The following C5orf52 variants were observed in gnomAD, a reference collection of about 807,000 sequenced individuals.
C5orf52 encodes uncharacterized protein C5orf52.
Under a neutral mutation model 16.8 loss-of-function variants are expected in C5orf52, and 15 were observed. That is an observed-to-expected ratio of 0.89 (90% CI 0.60 to 1.38). The LOEUF is 1.38. Ranked by LOEUF, C5orf52 falls within the 40% of genes most tolerant of loss-of-function variation. C5orf52 has a pLI of 0.00. For missense variants in C5orf52, 206 were observed against 213.1 expected, an observed-to-expected ratio of 0.97 and a Z score of 0.21; for synonymous variants, 83 against 87.2, an observed-to-expected ratio of 0.95 and a Z score of 0.27.
chr5:157,679,440 A>G (rs1759967095), intron 2 of C5orf52, among the ~76,000 whole-genome samples: 1 of 152,056 alleles, frequency 6.6e-6, no homozygotes, highest in Non-Finnish European at 1.5e-5. Context: ...GGGTTCAAGC[A>G]ACTCTTCTGC....
chr5:157,679,778 G>T, intron 2 of C5orf52, 63 bp from the exon 3 acceptor site: 1 of 1,469,824 alleles, frequency 6.8e-7, no homozygotes, highest in Non-Finnish European at 9.1e-7. Context: ...GCCCTGCTGC[G>T]AAGTAATCCT....
chr5:157,680,076 GTGACCCGAGGAGAACTAGTAAC>G lies in C5orf52; in HGVS notation c.*79_*100del. 7.4e-7 allele frequency: 1 copy of G among 1,360,212 alleles called. No homozygotes were observed. Among genetic ancestry groups the G allele is most frequent in the Non-Finnish European group, 9.9e-7 (1 of 1,005,410 alleles). The allele number at this position is 1,360,212 out of a possible 1,614,324, so 84.3% of individuals were successfully genotyped here. A position where few individuals can be genotyped will look rare whatever the true frequency, so the allele number is the denominator to read the frequency against. On this transcript the variant is annotated 3_prime_UTR_variant, in exon 3 of 3. Transcript: ENST00000409999. ...GCCCCAGGGTCACGATGACACCAGT[GTGACCCGAGGAGAACTAGTAAC>G]TACAACCTACACAACTGTAGAACAA...
chr5:157,672,980 T>C (rs1362789305), intron 1 of C5orf52, among the ~76,000 whole-genome samples: 2 of 151,666 alleles, frequency 1.3e-5, no homozygotes, highest in Admixed American at 6.6e-5. Flanking sequence ...ATTCTAGTCC[T>C]TCAAAATGTT....
At chr5:157,672,050 CCATCTCCACTGACATTTTCTCAGAATGA>C (rs546595432) in intron 1 of C5orf52, among the ~76,000 whole-genome samples, 1,786 of 152,276 alleles carry the variant, frequency 0.012, 19 homozygotes, top group South Asian at 0.049. Flanking sequence ...CCTGGAATCC[CCATCTCCACTGACATTTTCTCAGAATGA>C]CATCTCCACT....
intron 1 of C5orf52, among the ~76,000 whole-genome samples, chr5:157,673,852 C>T (rs1433218482): frequency 6.6e-6 from 1 of 152,078 alleles, no homozygotes; most frequent in African/African-American, 2.4e-5. Flanking sequence ...ACCATCTTTG[C>T]CAGGCTGTTC....
chr5:157,671,860 C>T, intron 1 of C5orf52, 34 bp downstream of exon 1: 1 of 1,393,888 alleles, frequency 7.2e-7, no homozygotes, highest in Non-Finnish European at 9.6e-7. Context: ...TTCGTCAGAC[C>T]CTCGGACCCG....
intron 2 of C5orf52, among the ~76,000 whole-genome samples, chr5:157,675,699 A>T (rs900387302): frequency 6.6e-6 from 1 of 151,932 alleles, no homozygotes; most frequent in African/African-American, 2.4e-5. Flanking sequence ...ACAGAGCAAG[A>T]CTCCATCTCA....
At chr5:157,676,712 G>A (rs1335607762) in intron 2 of C5orf52, among the ~76,000 whole-genome samples, 3 of 152,120 alleles carry the variant, frequency 2.0e-5, no homozygotes, top group African/African-American at 7.2e-5. Flanking sequence ...GAACTAGTTC[G>A]AGCAAGATAG....
At chr5:157,672,756 T>TG (rs904154184) in intron 1 of C5orf52, among the ~76,000 whole-genome samples, 5 of 152,006 alleles carry the variant, frequency 3.3e-5, no homozygotes, top group African/African-American at 1.2e-4. Flanking sequence ...GAAAATGAAT[T>TG]GCAATTCTCC....
chr5:157,671,913 G>T, intron 1 of C5orf52, 87 bp downstream of exon 1: 1 of 927,014 alleles, frequency 1.1e-6, no homozygotes, highest in South Asian at 1.8e-5. Flanking sequence ...CCCCTTAGCC[G>T]GACCCCGGCC....
chr5:157,678,377 C>T (rs564871476), intron 2 of C5orf52, among the ~76,000 whole-genome samples: 219 of 152,296 alleles, frequency 1.4e-3, no homozygotes, highest in Non-Finnish European at 1.7e-3. Flanking sequence ...GATCACCACC[C>T]ACCACATTGT....
intron 1 of C5orf52, among the ~76,000 whole-genome samples, chr5:157,674,083 G>A (rs1024683702): frequency 6.6e-6 from 1 of 151,994 alleles, no homozygotes; most frequent in Non-Finnish European, 1.5e-5. Context: ...TTCTCATTTT[G>A]ACCAAATTGT....
chr5:157,677,296 C>A (rs10071628), intron 2 of C5orf52, among the ~76,000 whole-genome samples: 77,020 of 151,954 alleles, frequency 0.51, 22,743 homozygotes, highest in African/African-American at 0.83. Flanking sequence ...GTTGAGAAAC[C>A]CTGATTGGTA....
In C5orf52 at chr5:157,671,549, C is replaced by T; in HGVS notation, c.-66C>T. The T allele has an allele frequency of 1.5e-6, 2 of 1,356,416 alleles. No individual in the cohort carries two copies. The highest frequency in any genetic ancestry group is 2.0e-6 in the Non-Finnish European group (2 of 995,222). 84.0% of individuals were successfully genotyped at this position (1,356,416 alleles called of 1,614,324 possible). On this transcript the variant is annotated 5_prime_UTR_variant, in exon 1 of 3. Coordinates refer to ENST00000409999, the MANE Select transcript of C5orf52 (RefSeq NM_001145132.2). ...CAGGGACTCACTCCGCGTCAGCGCG[C>T]GCCCACCTAGGTGGGCTGGCAACCA...
intron 1 of C5orf52, among the ~76,000 whole-genome samples, chr5:157,673,206 G>T (rs929829408): frequency 5.9e-5 from 9 of 151,858 alleles, no homozygotes; most frequent in African/African-American, 2.2e-4. Flanking sequence ...GGGCATGGTG[G>T]CTGGCCTGTG....
In C5orf52 at chr5:157,677,654, CA is replaced by C. The variant is rs34801673; in HGVS notation, c.322-2172del. On this transcript the variant is annotated intron_variant, in intron 2 of 2. Transcript: ENST00000409999. ...GGGCAACAAGAGTGAAACTCCCTCT[CA>C]AAAAAAAAAAAAAAGAAAAGAAAAG... Among the ~76,000 whole-genome samples the C allele has an allele frequency of 5.5e-3, 642 of 117,010 alleles. 7 individuals are homozygous for C. Among genetic ancestry groups the C allele is most frequent in the African/African-American group, 0.017 (509 of 30,274 alleles). 76.8% of individuals were successfully genotyped at this position (117,010 alleles called of 152,430 possible).
intron 1 of C5orf52, among the ~76,000 whole-genome samples, chr5:157,672,688 G>T (rs1759819237): frequency 6.6e-6 from 1 of 152,108 alleles, no homozygotes; most frequent in South Asian, 2.1e-4. Context: ...AAATTGGATT[G>T]TTCATATTAG....
At chr5:157,672,235 C>G (rs1292571423) in intron 1 of C5orf52, among the ~76,000 whole-genome samples, 1 of 152,120 alleles carries the variant, frequency 6.6e-6, no homozygotes, top group Non-Finnish European at 1.5e-5. Context: ...TACGCCCCTT[C>G]TCAGCCTCTC....
At chr5:157,677,667 A>T (rs1364067471) in intron 2 of C5orf52, among the ~76,000 whole-genome samples, 2 of 141,658 alleles carry the variant, frequency 1.4e-5, no homozygotes, top group Non-Finnish European at 3.0e-5. Context: ...AAAAAAAAAA[A>T]AAGAAAAGAA....
Sources: gnomAD v4.1 joint callset for allele counts (sites outside exome capture counted in the v4.1 genomes callset) on GRCh38, gnomAD v4.1.1 for gene constraint, MANE v1.5 for transcripts, NCBI Gene and HGNC (gene_info 2026-07-23, HGNC 2026-07-21) for gene names.